RNPS1: variants seen among roughly 807,000 people sequenced by gnomAD.
RNPS1 encodes RNA binding protein with serine rich domain 1.
For missense variants in RNPS1, 300 were observed against 427.6 expected, an observed-to-expected ratio of 0.70 and a Z score of 2.63; for synonymous variants, 147 against 150.0, an observed-to-expected ratio of 0.98 and a Z score of 0.15.
chr16:2,263,683 GCA>G (rs1282216435), intron 3 of RNPS1, among the ~76,000 whole-genome samples: 1 of 152,028 alleles, frequency 6.6e-6, no homozygotes, highest in Non-Finnish European at 1.5e-5. Flanking sequence ...CATGATCTCC[GCA>G]CACTGCAGCT....
chr16:2,259,280 GAT>G (rs1399871647), intron 6 of RNPS1, among the ~76,000 whole-genome samples: 2 of 152,126 alleles, frequency 1.3e-5, no homozygotes, highest in East Asian at 1.9e-4. Context: ...AAATGTTATT[GAT>G]ATGTGTCCCA....
At position 2,264,654 on chromosome 16, in the gene RNPS1, T is replaced by C; in HGVS notation, c.-11A>G. 1.2e-6 allele frequency: 2 copies of C among 1,611,384 alleles called. No homozygotes were observed. Among genetic ancestry groups the C allele is most frequent in the East Asian group, 2.2e-5 (1 of 44,884 alleles). The stretch of plus-strand genomic sequence containing the variant: ...TCCTGATAAATCCATTCTCCCCTTC[T>C]GAGGTGTTCAAAGCAGCAATGGCGG... On this transcript the variant is annotated 5_prime_UTR_variant, in exon 2 of 8. Coordinates refer to ENST00000320225, the MANE Select transcript of RNPS1 (RefSeq NM_080594.4).
Position 2,253,279 on chromosome 16 carries a change from G to A in RNPS1, c.*685C>T, listed in dbSNP as rs1212505286. ...AAAGCAAAAAAGAAAAAAAATAAAA[G>A]CAATGTACATGTTGCCAAGATAACC... On this transcript the variant is annotated 3_prime_UTR_variant, in exon 8 of 8. Transcript: ENST00000320225. 2 of 152,656 alleles carry A rather than the reference G, an allele frequency of 1.3e-5. No individual in the cohort carries two copies. Among genetic ancestry groups the A allele is most frequent in the East Asian group, 3.8e-4 (2 of 5,200 alleles). 9.5% of individuals were successfully genotyped at this position (152,656 alleles called of 1,614,324 possible).
At chr16:2,255,750 T>TA in intron 6 of RNPS1, 24 bp from the exon 7 acceptor site, 1 of 1,611,060 alleles carries the variant, frequency 6.2e-7, no homozygotes, top group African/African-American at 1.3e-5. Context: ...CAGCAAGTCA[T>TA]AAAATATCTA....
intron 1 of RNPS1, chr16:2,266,270 A>C: frequency 2.0e-6 from 2 of 985,462 alleles, no homozygotes; most frequent in Non-Finnish European, 2.4e-6. Flanking sequence ...AGAGCCAAGG[A>C]GGGCCGAACG....
chr16:2,264,087 A>T, intron 3 of RNPS1, 89 bp downstream of exon 3: 1 of 1,474,656 alleles, frequency 6.8e-7, no homozygotes, highest in Non-Finnish European at 9.3e-7. Context: ...TTTTCTTTGT[A>T]AATAATCAAG....
At chr16:2,261,278 G>C (rs1025649207) in intron 6 of RNPS1, among the ~76,000 whole-genome samples, 4 of 152,092 alleles carry the variant, frequency 2.6e-5, no homozygotes, top group African/African-American at 9.7e-5. Flanking sequence ...ACTAAACTTG[G>C]GAAGAAAACA....
intron 1 of RNPS1, chr16:2,266,027 T>G: frequency 2.6e-6 from 2 of 775,398 alleles, no homozygotes; most frequent in Non-Finnish European, 3.1e-6. Context: ...CTGCCTTCAG[T>G]ATTTCTAGTA....
At chr16:2,255,975 A>G (rs1457732561) in intron 6 of RNPS1, 2 of 458,874 alleles carry the variant, frequency 4.4e-6, no homozygotes, top group Non-Finnish European at 7.9e-6. Flanking sequence ...AAGACAATAA[A>G]TCAGCTGTGC....
chr16:2,258,762 C>A (rs2093589681), intron 6 of RNPS1: 1 of 151,996 alleles, frequency 6.6e-6, no homozygotes, highest in African/African-American at 2.4e-5. Context: ...AAAGAAAATT[C>A]TGTATGTAAA....
intron 1 of RNPS1, chr16:2,265,064 G>A (rs1391319019): frequency 5.8e-6 from 1 of 173,770 alleles, no homozygotes; most frequent in Non-Finnish European, 1.2e-5. Flanking sequence ...AGTTTGATGA[G>A]CCCCTGCAGT....
At chr16:2,255,184 C>T (rs144853645) in intron 7 of RNPS1, among the ~76,000 whole-genome samples, 142 of 152,362 alleles carry the variant, frequency 9.3e-4, no homozygotes, top group African/African-American at 3.0e-3. Context: ...AGCTCACCAC[C>T]GGCAACGGAA....
At chr16:2,263,955 C>A in intron 3 of RNPS1, 1 of 482,544 alleles carries the variant, frequency 2.1e-6, no homozygotes. Flanking sequence ...GTCTTGAACT[C>A]CAGGCCCCAA....
intron 1 of RNPS1, chr16:2,266,162 G>T (rs185757794): frequency 0.013 from 12,895 of 985,372 alleles, 101 homozygotes; most frequent in Non-Finnish European, 0.014. Context: ...TGTGGTCCTG[G>T]TTTCCCTGTG....
intron 6 of RNPS1, chr16:2,256,365 C>A (rs1462213823): frequency 2.6e-5 from 4 of 153,274 alleles, no homozygotes; most frequent in Non-Finnish European, 5.8e-5. Context: ...CGAGACCAGC[C>A]TGGCTAACAT....
chr16:2,267,541 T>G (rs1262933255), intron 1 of RNPS1: 33 of 1,037,612 alleles, frequency 3.2e-5, no homozygotes, highest in Non-Finnish European at 3.8e-5. Context: ...AGTACACGTT[T>G]GAATTAATGA....
intron 7 of RNPS1, among the ~76,000 whole-genome samples, chr16:2,255,154 T>C (rs2093572073): frequency 6.6e-6 from 1 of 152,178 alleles, no homozygotes; most frequent in Non-Finnish European, 1.5e-5. Flanking sequence ...TTCCTCCTCT[T>C]CCCCAAAGGC....
At chr16:2,261,603 ACTGT>A (rs1396025297) in intron 6 of RNPS1, among the ~76,000 whole-genome samples, 1 of 152,234 alleles carries the variant, frequency 6.6e-6, no homozygotes, top group Non-Finnish European at 1.5e-5. Context: ...GTGTTTTAGT[ACTGT>A]CTGAGTAGTT....
In RNPS1 at chr16:2,262,800, C is replaced by A. The variant is rs781454349; in HGVS notation, c.462G>T (p.Arg154=). 3.7e-6 allele frequency: 6 copies of A among 1,613,922 alleles called. No individual in the cohort carries two copies. The highest frequency in any genetic ancestry group is 1.7e-6 in the Non-Finnish European group (2 of 1,180,014). Residue 154 remains arginine, a synonymous_variant, in exon 5 of 8, where the codon CGG becomes CGT. Transcript: ENST00000320225. ...CTTTGGTGGGCTTAGGAGATGGGCTCCGCCTTTTCCTCTCCTTTTCATCTC... is the reference window on the plus strand; with the variant it reads ...CTTTGGTGGGCTTAGGAGATGGGCTACGCCTTTTCCTCTCCTTTTCATCTC... ...PKRDEKERKR[R]SPSPKPTKVH...
Sources: allele counts gnomAD v4.1 joint callset (sites outside exome capture counted in the v4.1 genomes callset), GRCh38; gene constraint gnomAD v4.1.1; transcripts MANE v1.5; gene names NCBI Gene and HGNC (gene_info 2026-07-23, HGNC 2026-07-21).